Variants in SLC16A6 observed in about 807,000 individuals in gnomAD.
SLC16A6 encodes monocarboxylate transporter 7.
SLC16A6 carries 15 observed loss-of-function variants against 33.8 expected under a neutral mutation model. That is an observed-to-expected ratio of 0.44 (90% CI 0.30 to 0.68). SLC16A6 has a LOEUF of 0.68. Ranked by LOEUF, SLC16A6 falls within the 30% of genes least tolerant of loss-of-function variation. SLC16A6 has a pLI of 0.10. For synonymous variants in SLC16A6, 219 were observed against 248.4 expected (o/e 0.88, Z 1.11); for missense variants, 451 against 661.5 (o/e 0.68, Z 3.49).
chr17:68,278,355 G>T (rs2075591147), intron 1 of SLC16A6, 28 bp from the exon 2 acceptor site: 2 of 1,458,496 alleles, frequency 1.4e-6, no homozygotes, highest in Non-Finnish European at 1.9e-6. Context: ...AAGCAATTCA[G>T]ATCAGCAATA....
chr17:68,271,544 T>C lies in SLC16A6; in HGVS notation c.616A>G (p.Arg206Gly), dbSNP rs782655449. 2.5e-5 allele frequency: 41 copies of C among 1,614,110 alleles called. 2 individuals carry two copies. In the South Asian group the frequency reaches 3.6e-4, roughly 14 times the overall value. The change falls in exon 5 of 6, where the codon AGA becomes GGA. Residue 206 changes from arginine (R) to glycine (G), a missense_variant. This residue lies in a region of SLC16A6 where 405 missense variants were observed against 510.7 expected (regional missense o/e 0.79). Coordinates refer to ENST00000580666, the MANE Select transcript of SLC16A6 (RefSeq NM_004694.5). This position sits in a 1 kb window ranked among gnomAD's most constrained non-coding sequence, Gnocchi z 5.3. ...ACTATTTTCGGTGACGCTGGTCCTC[T>C]GATAAAGATGGGTCTGAGCAGTGCT... is the stretch of plus-strand genomic sequence containing the variant. ...FGALLRPIFI[R>G]GPASPKIVIQ...
At chr17:68,284,791 T>G (rs548633610) in intron 1 of SLC16A6, among the ~76,000 whole-genome samples, 1 of 152,296 alleles carries the variant, frequency 6.6e-6, no homozygotes, top group South Asian at 2.1e-4. Flanking sequence ...AATATTTGGT[T>G]GATTAAAATA....
In SLC16A6 at chr17:68,271,689, A is replaced by C; in HGVS notation, c.506-35T>G. ...GCAGGAGTGAAGAAGAAATAATATA[A>C]GGTCAATAATGGACTCAAGACCCAG... is the stretch of plus-strand genomic sequence containing the variant. On this transcript the variant is annotated intron_variant, in intron 4 of 5. Transcript: ENST00000580666. This position sits in a 1 kb window ranked among gnomAD's most constrained non-coding sequence, Gnocchi z 5.3. The C allele has an allele frequency of 6.4e-7, 1 of 1,560,290 alleles. No individual in the cohort carries two copies. Among genetic ancestry groups the C allele is most frequent in the Non-Finnish European group, 8.8e-7 (1 of 1,139,672 alleles).
rs782338016 is a variant in SLC16A6, at chr17:68,267,567, CCT to C, written c.*1527_*1528del. On this transcript the variant is annotated 3_prime_UTR_variant, in exon 6 of 6. Coordinates refer to ENST00000580666, the MANE Select transcript of SLC16A6 (RefSeq NM_004694.5). The stretch of plus-strand genomic sequence containing the variant: ...AAACTAGGCTTGTTATGTTTTTCCC[CCT>C]GAGTTGTCATAAATTAACATTAACG... 1.1e-4 allele frequency: 17 copies of C among 152,216 alleles called. No individual in the cohort carries two copies. The highest frequency in any genetic ancestry group is 2.1e-4 in the South Asian group (1 of 4,822). The allele number at this position is 152,216 out of a possible 1,614,324, so 9.4% of individuals were successfully genotyped here.
chr17:68,276,600 C>T (rs1225892371), intron 2 of SLC16A6, among the ~76,000 whole-genome samples: 1 of 152,094 alleles, frequency 6.6e-6, no homozygotes, highest in African/African-American at 2.4e-5. Context: ...AGGTGTGTAC[C>T]ACCATGCCCG....
chr17:68,272,291 G>A (rs1370156565), intron 4 of SLC16A6, among the ~76,000 whole-genome samples: 2 of 152,152 alleles, frequency 1.3e-5, no homozygotes, highest in African/African-American at 4.8e-5. Context: ...GTGTTTATTA[G>A]CATAATCTAA....
At chr17:68,283,878 CAAAAAAAA>C (rs58291216) in intron 1 of SLC16A6, among the ~76,000 whole-genome samples, 1 of 55,432 alleles carries the variant, frequency 1.8e-5, no homozygotes, top group East Asian at 5.4e-4. Flanking sequence ...AACTCCGTCT[CAAAAAAAA>C]AAAAAAAAAA....
rs563328538 is a variant in SLC16A6, at chr17:68,286,049, G to A, written c.-8+5037C>T. Among the ~76,000 whole-genome samples, 5 of 152,262 alleles carry A rather than the reference G, an allele frequency of 3.3e-5. No homozygotes were observed. The East Asian group carries it at 9.7e-4, about 29-fold the overall frequency. On this transcript the variant is annotated intron_variant, in intron 1 of 5. Coordinates refer to ENST00000580666, the MANE Select transcript of SLC16A6 (RefSeq NM_004694.5). ...GCTGGGATTACAGATGTGAGCCACCGCGCCTGGCATAATTTTTATTTTTTG... is the reference window on the plus strand; with the variant it reads ...GCTGGGATTACAGATGTGAGCCACCACGCCTGGCATAATTTTTATTTTTTG...
In SLC16A6 at chr17:68,270,553, C is replaced by CA. The variant is rs1318666864; in HGVS notation, c.1321+285dup. On this transcript the variant is annotated intron_variant, in intron 5 of 5. Transcript: ENST00000580666. ...TGGGTGATAGAGCGAGACTCCATCT[C>CA]AAAAAAAAAAAAAAAAGGCCAGGGT... 2.8e-3 allele frequency among the ~76,000 whole-genome samples: 233 copies of CA among 84,042 alleles called. 1 individual carries two copies. Among genetic ancestry groups the CA allele is most frequent in the Middle Eastern group, 7.9e-3 (1 of 126 alleles). 55.1% of individuals were successfully genotyped at this position (84,042 alleles called of 152,430 possible).
intron 2 of SLC16A6, among the ~76,000 whole-genome samples, chr17:68,277,010 T>G (rs2145043841): frequency 6.6e-6 from 1 of 152,304 alleles, no homozygotes; most frequent in East Asian, 1.9e-4. Context: ...TCAGAAGGTC[T>G]CCTCAGAACA....
intron 1 of SLC16A6, among the ~76,000 whole-genome samples, chr17:68,290,875 C>T (rs1555755603): frequency 6.6e-6 from 1 of 151,488 alleles, no homozygotes; most frequent in Non-Finnish European, 1.5e-5. Context: ...CTCAGCTACC[C>T]ACACCGGCGC....
chr17:68,282,800 A>T (rs2075736707), intron 1 of SLC16A6, among the ~76,000 whole-genome samples: 1 of 147,372 alleles, frequency 6.8e-6, no homozygotes, highest in African/African-American at 2.5e-5. Flanking sequence ...AAAAAAAAAA[A>T]GGCCAGGTGT....
intron 2 of SLC16A6, among the ~76,000 whole-genome samples, chr17:68,275,622 A>G (rs1022020230): frequency 2.0e-5 from 3 of 152,204 alleles, no homozygotes; most frequent in Non-Finnish European, 4.4e-5. Flanking sequence ...ACCAAATGTA[A>G]CATTTTAGTC....
At chr17:68,290,205 G>A (rs371260968) in intron 1 of SLC16A6, among the ~76,000 whole-genome samples, 72 of 152,288 alleles carry the variant, frequency 4.7e-4, no homozygotes, top group African/African-American at 1.7e-3. Flanking sequence ...TTGACAAGTT[G>A]TAATTGCTCT....
rs140056144 is a variant in SLC16A6 at position 68,273,859 on chromosome 17, C to G, written c.376+68G>C. 1.1e-5 allele frequency: 17 copies of G among 1,545,090 alleles called. No homozygotes were observed. In the South Asian group the frequency reaches 2.0e-4, roughly 18 times the overall value. On this transcript the variant is annotated intron_variant, in intron 3 of 5. Transcript: ENST00000580666. ...AGAAATATAGTTTGGCTTTAATTTC[C>G]TCCTTCCCCTTCCTTGTTCTTCAAA...
rs148885157 is a variant in SLC16A6 at position 68,271,178 on chromosome 17, G to T, written c.982C>A (p.Arg328Ser). The T allele has an allele frequency of 1.9e-6, 3 of 1,613,986 alleles. No homozygotes were observed. The highest frequency in any genetic ancestry group is 2.5e-6 in the Non-Finnish European group (3 of 1,180,026). The change falls in exon 5 of 6, where the codon CGC becomes AGC. Residue 328 changes from arginine to serine, a missense_variant. Physicochemically the swap from Arg to Ser is moderately radical, Grantham distance 110. This residue lies in a region of SLC16A6 where 405 missense variants were observed against 510.7 expected (regional missense o/e 0.79). Coordinates refer to ENST00000580666, the MANE Select transcript of SLC16A6 (RefSeq NM_004694.5). The surrounding 1 kb of genome is among the most constrained non-coding windows in gnomAD (Gnocchi z 5.3). ...ATCGTAGATAATAAAAAAGCAGCGC[G>T]GTCCTGGTCAATGCCCAGACTAATG... ...LGISLGIDQD[R>S]AAFLLSTMAI...
At position 68,272,641 on chromosome 17, in the gene SLC16A6, G is replaced by C; in HGVS notation, c.503C>G (p.Pro168Arg). Residue 168 changes from proline (P) to arginine (R), a missense_variant and splice_region_variant, in exon 4 of 6, where the codon CCA becomes CGA. Coordinates refer to ENST00000580666, the MANE Select transcript of SLC16A6 (RefSeq NM_004694.5). ...GECFAVFAFAPAIMALKERIG... is the reference protein window; with the variant it reads ...GECFAVFAFARAIMALKERIG... The stretch of plus-strand genomic sequence containing the variant: ...TTAGGCTGTTGTAGTCCACCTACCT[G>C]GTGCGAAAGCAAACACAGCGAAACA... 1 of 1,613,830 alleles carries C rather than the reference G, an allele frequency of 6.2e-7. No homozygotes were observed. Among genetic ancestry groups the C allele is most frequent in the South Asian group, 1.1e-5 (1 of 91,060 alleles).
At chr17:68,283,390 G>A (rs1430909616) in intron 1 of SLC16A6, among the ~76,000 whole-genome samples, 5 of 152,118 alleles carry the variant, frequency 3.3e-5, no homozygotes, top group African/African-American at 1.2e-4. Flanking sequence ...GCGTGGTGGC[G>A]GGCGCCTGTA....
At chr17:68,285,873 C>G (rs536730089) in intron 1 of SLC16A6, among the ~76,000 whole-genome samples, 4 of 152,016 alleles carry the variant, frequency 2.6e-5, no homozygotes, top group African/African-American at 9.6e-5. Flanking sequence ...CAATTCTTTG[C>G]GTCAGCCTCC....
Sources: allele counts gnomAD v4.1 joint callset (sites outside exome capture counted in the v4.1 genomes callset), GRCh38; gene constraint gnomAD v4.1.1; regional missense constraint gnomAD v4.1.1; non-coding constraint Gnocchi (gnomAD v3.1); transcripts MANE v1.5; gene names NCBI Gene and HGNC (gene_info 2026-07-23, HGNC 2026-07-21).